Variants in MNAT1 observed in about 807,000 individuals in gnomAD.
MNAT1 encodes the protein CDK-activating kinase assembly factor MAT1.
Under a neutral mutation model 42.0 loss-of-function variants are expected in MNAT1, and 43 were observed. The ratio of observed to expected loss-of-function variants is 1.02; its 90% CI spans 0.80 to 1.32. The LOEUF is 1.32. MNAT1 is among the 40% of genes most tolerant of loss of function. The probability of loss-of-function intolerance (pLI) is 0.00; values close to 1 mark genes in which losing one functional copy is unlikely to be tolerated. For synonymous variants in MNAT1, 118 were observed against 120.0 expected, an observed-to-expected ratio of 0.98 and a Z score of 0.11; for missense variants, 306 against 350.4, an observed-to-expected ratio of 0.87 and a Z score of 1.01.
At chr14:60,842,690 G>A (rs2033583091) in intron 6 of MNAT1, among the ~76,000 whole-genome samples, 1 of 152,162 alleles carries the variant, frequency 6.6e-6, no homozygotes, top group Non-Finnish European at 1.5e-5. Context: ...ATATTGCTAT[G>A]TAATATTCCA....
chr14:60,860,735 T>C (rs1310775557), intron 6 of MNAT1, among the ~76,000 whole-genome samples: 2 of 152,158 alleles, frequency 1.3e-5, no homozygotes, highest in Non-Finnish European at 2.9e-5. Flanking sequence ...GCTTTTAACA[T>C]TGTGTTGGTC....
At chr14:60,893,415 A>G (rs2139490924) in intron 7 of MNAT1, among the ~76,000 whole-genome samples, 1 of 152,064 alleles carries the variant, frequency 6.6e-6, no homozygotes, top group Middle Eastern at 3.4e-3. Context: ...TTTGGGTTTG[A>G]TTCTGTTGAC....
chr14:60,953,870 G>T (rs1221781114), intron 7 of MNAT1, among the ~76,000 whole-genome samples: 1 of 152,026 alleles, frequency 6.6e-6, no homozygotes. Flanking sequence ...GTTTTGCCTG[G>T]TGATTAGTGA....
At chr14:60,790,337 G>A (rs1244925607) in intron 1 of MNAT1, among the ~76,000 whole-genome samples, 1 of 152,078 alleles carries the variant, frequency 6.6e-6, no homozygotes, top group Non-Finnish European at 1.5e-5. Context: ...TTCCTCTGAG[G>A]CTCATCTGAG....
chr14:60,795,443 T>G (rs2139325706), intron 1 of MNAT1, among the ~76,000 whole-genome samples: 1 of 152,272 alleles, frequency 6.6e-6, no homozygotes, highest in South Asian at 2.1e-4. Flanking sequence ...CAGTTCATTG[T>G]TTTTTCAACT....
rs557958755 is a variant in MNAT1, at chr14:60,910,808, G to A, written c.809+30973G>A. On this transcript the variant is annotated intron_variant, in intron 7 of 7. Coordinates refer to ENST00000261245, the MANE Select transcript of MNAT1 (RefSeq NM_002431.4). ...CTCTTTTTTGGTTGTGTCTCTGCCCGGCTTTGGTACCAGGATGATGCTGGC... is the reference window on the plus strand; with the variant it reads ...CTCTTTTTTGGTTGTGTCTCTGCCCAGCTTTGGTACCAGGATGATGCTGGC... Among the ~76,000 whole-genome samples the A allele has an allele frequency of 7.4e-4, 112 of 152,212 alleles. 1 individual carries two copies. The highest frequency in any genetic ancestry group is 1.7e-3 in the African/African-American group (71 of 41,530).
At chr14:60,856,560 A>T (rs2033963033) in intron 6 of MNAT1, among the ~76,000 whole-genome samples, 1 of 152,114 alleles carries the variant, frequency 6.6e-6, no homozygotes, top group African/African-American at 2.4e-5. Flanking sequence ...GCCATCTAGG[A>T]TTTTTGTAGC....
chr14:60,820,708 C>T (rs1430876156), intron 6 of MNAT1, among the ~76,000 whole-genome samples: 1 of 152,070 alleles, frequency 6.6e-6, no homozygotes, highest in Admixed American at 6.5e-5. Flanking sequence ...TAACATTCCA[C>T]CTGGTGTCTC....
chr14:60,872,342 A>G (rs991743140), intron 6 of MNAT1, among the ~76,000 whole-genome samples: 6 of 152,186 alleles, frequency 3.9e-5, no homozygotes, highest in African/African-American at 1.4e-4. Context: ...CAACATGAGG[A>G]TTACATTTCA....
chr14:60,865,912 G>A (rs1317078113), intron 6 of MNAT1, among the ~76,000 whole-genome samples: 3 of 151,892 alleles, frequency 2.0e-5, no homozygotes, highest in African/African-American at 4.8e-5. Flanking sequence ...TTGAAATTCC[G>A]TTCACTGGGA....
chr14:60,779,540 C>T (rs1160555996), intron 1 of MNAT1, among the ~76,000 whole-genome samples: 1 of 152,070 alleles, frequency 6.6e-6, no homozygotes, highest in Non-Finnish European at 1.5e-5. Flanking sequence ...TGTAATCCCA[C>T]CATTTTGGGA....
chr14:60,863,300 C>T (rs1200898970), intron 6 of MNAT1, among the ~76,000 whole-genome samples: 1 of 152,034 alleles, frequency 6.6e-6, no homozygotes, highest in Admixed American at 6.6e-5. Flanking sequence ...TTATCTAGAG[C>T]TGTACTTCAT....
chr14:60,812,028 A>G lies in MNAT1; in HGVS notation c.462A>G (p.Glu154=). Residue 154 remains glutamate (E), a synonymous_variant, in exon 5 of 8, where the codon GAA becomes GAG. Transcript: ENST00000261245. ...QEELEEALEV[E]RQENEQRRLF... The stretch of plus-strand genomic sequence containing the variant: ...AACTGGAAGAAGCTTTAGAAGTGGA[A>G]CGACAGGAAAATGAACAAAGAAGAT... 1 of 1,603,992 alleles carries G rather than the reference A, an allele frequency of 6.2e-7. No homozygotes were observed. The highest frequency in any genetic ancestry group is 8.5e-7 in the Non-Finnish European group (1 of 1,177,154).
intron 4 of MNAT1, among the ~76,000 whole-genome samples, chr14:60,811,178 G>A (rs1180572511): frequency 6.6e-6 from 1 of 151,280 alleles, no homozygotes; most frequent in Non-Finnish European, 1.5e-5. Flanking sequence ...TCATCCAAGT[G>A]TTCAATCCAT....
intron 6 of MNAT1, among the ~76,000 whole-genome samples, chr14:60,874,117 C>T (rs963131104): frequency 1.3e-5 from 2 of 152,122 alleles, no homozygotes; most frequent in Non-Finnish European, 1.5e-5. Context: ...GCTCTCTTAC[C>T]AGCAGTGTAT....
chr14:60,769,571 A>G (rs1219025934), intron 1 of MNAT1, among the ~76,000 whole-genome samples: 1 of 152,158 alleles, frequency 6.6e-6, no homozygotes, highest in Non-Finnish European at 1.5e-5. Flanking sequence ...GGTGTGAGCC[A>G]CTGCACCTGG....
At chr14:60,891,871 A>G (rs1374184777) in intron 7 of MNAT1, among the ~76,000 whole-genome samples, 2 of 151,324 alleles carry the variant, frequency 1.3e-5, no homozygotes, top group Middle Eastern at 3.2e-3. Flanking sequence ...ATTTCCAACT[A>G]TTTTCTAATT....
At chr14:60,936,099 G>A (rs955159220) in intron 7 of MNAT1, among the ~76,000 whole-genome samples, 3 of 152,214 alleles carry the variant, frequency 2.0e-5, no homozygotes, top group African/African-American at 7.2e-5. Flanking sequence ...GCTCCACCCC[G>A]TTCCCCCAGT....
intron 6 of MNAT1, among the ~76,000 whole-genome samples, chr14:60,848,783 T>C (rs1459043256): frequency 6.6e-6 from 1 of 152,186 alleles, no homozygotes; most frequent in African/African-American, 2.4e-5. Flanking sequence ...TGGAGGACTA[T>C]ATAATCTTAA....
Sources: gnomAD v4.1 joint callset for allele counts (sites outside exome capture counted in the v4.1 genomes callset) on GRCh38, gnomAD v4.1.1 for gene constraint, MANE v1.5 for transcripts, NCBI Gene and HGNC (gene_info 2026-07-23, HGNC 2026-07-21) for gene names.